The following ATP10B variants were observed in gnomAD, a reference collection of about 807,000 sequenced individuals.
The protein encoded by ATP10B is ATPase phospholipid transporting 10B (putative).
A neutral mutation model predicts 141.2 loss-of-function variants in ATP10B; 122 were observed. The observed-to-expected ratio is 0.86, with a 90% CI of 0.75 to 1.00. ATP10B has a LOEUF of 1.00. ATP10B is among the 50% of genes least tolerant of loss of function. The pLI is 0.00. For missense variants in ATP10B, 1,876 were observed against 1,825.3 expected, an observed-to-expected ratio of 1.03 and a Z score of -0.51; for synonymous variants, 685 against 692.0, an observed-to-expected ratio of 0.99 and a Z score of 0.16.
At chr5:160,849,069 T>C (rs1006942976) in intron 1 of ATP10B, among the ~76,000 whole-genome samples, 10 of 152,168 alleles carry the variant, frequency 6.6e-5, no homozygotes, top group African/African-American at 2.2e-4. Context: ...GCCCTTCTAA[T>C]AGTTCCCGAG....
At chr5:160,668,528 T>C (rs1762466647) in intron 7 of ATP10B, among the ~76,000 whole-genome samples, 1 of 152,208 alleles carries the variant, frequency 6.6e-6, no homozygotes, top group Non-Finnish European at 1.5e-5. Context: ...TCACCCTGCC[T>C]TTTTGCAAAC....
intron 1 of ATP10B, among the ~76,000 whole-genome samples, chr5:160,790,381 AC>A (rs1771481061): frequency 6.6e-6 from 1 of 152,108 alleles, no homozygotes; most frequent in Non-Finnish European, 1.5e-5. Context: ...TTAGAGAGAA[AC>A]CCTCGTCTTA....
the ATP10B span, among the ~76,000 whole-genome samples, chr5:160,924,791 A>G: frequency 6.6e-6 from 1 of 152,262 alleles, no homozygotes; most frequent in Non-Finnish European, 1.5e-5. Flanking sequence ...TTAAGCCAGC[A>G]TAAGGAAATG....
the ATP10B span, among the ~76,000 whole-genome samples, chr5:160,911,470 T>TG: frequency 1.3e-5 from 2 of 152,158 alleles, no homozygotes; most frequent in Non-Finnish European, 2.9e-5. Context: ...GTGGCCAGGG[T>TG]GCTTGAGTAC....
intron 18 of ATP10B, among the ~76,000 whole-genome samples, chr5:160,611,614 C>G (rs1011861682): frequency 1.3e-5 from 2 of 152,166 alleles, no homozygotes; most frequent in African/African-American, 2.4e-5. Context: ...TTTTCATAAT[C>G]TACACTAGTT....
the ATP10B span, among the ~76,000 whole-genome samples, chr5:160,899,730 A>G: frequency 6.6e-6 from 1 of 152,180 alleles, no homozygotes; most frequent in African/African-American, 2.4e-5. Flanking sequence ...AGCTGTTAAA[A>G]ACTAAACAAA....
upstream of ATP10B, among the ~76,000 whole-genome samples, chr5:160,854,512 T>C (rs1207542541): frequency 6.6e-6 from 1 of 152,182 alleles, no homozygotes; most frequent in Non-Finnish European, 1.5e-5. Context: ...TCATCCTTTT[T>C]TATGGCTGCA....
the ATP10B span, among the ~76,000 whole-genome samples, chr5:160,872,940 T>C: frequency 2.3e-4 from 35 of 152,258 alleles, no homozygotes; most frequent in African/African-American, 7.7e-4. Flanking sequence ...GGGGATTGCA[T>C]TGAATTTCTA....
chr5:160,879,892 A>G, the ATP10B span, among the ~76,000 whole-genome samples: 7 of 152,132 alleles, frequency 4.6e-5, no homozygotes, highest in Non-Finnish European at 1.0e-4. Context: ...AAGTGATTGT[A>G]TCAAGGTTTC....
chr5:160,631,028 CA>C (rs34710883), intron 13 of ATP10B, among the ~76,000 whole-genome samples: 2 of 151,962 alleles, frequency 1.3e-5, no homozygotes, highest in Admixed American at 6.6e-5. Flanking sequence ...ACCATGATTA[CA>C]AAAAATGTTA....
chr5:160,638,965 T>C (rs760243465), intron 10 of ATP10B, among the ~76,000 whole-genome samples: 5 of 152,178 alleles, frequency 3.3e-5, no homozygotes, highest in Admixed American at 6.5e-5. Flanking sequence ...CTCATGGTGC[T>C]CCTCACTCAG....
the ATP10B span, among the ~76,000 whole-genome samples, chr5:160,911,223 T>G: frequency 1.3e-5 from 2 of 152,204 alleles, no homozygotes; most frequent in African/African-American, 4.8e-5. Context: ...TTTTCATGGC[T>G]CAGAGGACAA....
At chr5:160,597,002 C>A (rs1158392207) in intron 22 of ATP10B, among the ~76,000 whole-genome samples, 1 of 152,154 alleles carries the variant, frequency 6.6e-6, no homozygotes, top group South Asian at 2.1e-4. Context: ...CCATCCCCAT[C>A]AAGCTACCAA....
chr5:160,883,760 C>T, the ATP10B span, among the ~76,000 whole-genome samples: 16 of 151,020 alleles, frequency 1.1e-4, no homozygotes, highest in African/African-American at 3.2e-4. Context: ...GAAAAGGAAA[C>T]TATAGATTAA....
chr5:160,797,939 A>G (rs1772072124), intron 1 of ATP10B, among the ~76,000 whole-genome samples: 2 of 110,984 alleles, frequency 1.8e-5, no homozygotes, highest in East Asian at 6.4e-4. Flanking sequence ...AGAAAAGAAA[A>G]GAAAAAAAGA....
chr5:160,576,003 CT>C (rs1438058486), intron 24 of ATP10B, among the ~76,000 whole-genome samples: 1 of 152,224 alleles, frequency 6.6e-6, no homozygotes, highest in African/African-American at 2.4e-5. Flanking sequence ...TTGCTCCAGG[CT>C]TCCAAACAAC....
intron 2 of ATP10B, among the ~76,000 whole-genome samples, chr5:160,753,792 A>T (rs1768327851): frequency 6.6e-6 from 1 of 152,194 alleles, no homozygotes; most frequent in African/African-American, 2.4e-5. Context: ...CCCATATACT[A>T]CCCTTAGAAG....
intron 3 of ATP10B, among the ~76,000 whole-genome samples, chr5:160,702,097 C>T (rs1764717460): frequency 6.6e-6 from 1 of 152,230 alleles, no homozygotes; most frequent in Non-Finnish European, 1.5e-5. Context: ...ACAGTCATCA[C>T]TTTACACCTC....
intron 1 of ATP10B, among the ~76,000 whole-genome samples, chr5:160,825,821 C>G (rs1156601511): frequency 2.0e-5 from 3 of 152,190 alleles, no homozygotes; most frequent in Non-Finnish European, 4.4e-5. Context: ...CTTCCCCTGA[C>G]CAGTAGTCAG....
Sources: allele counts gnomAD v4.1 joint callset (sites outside exome capture counted in the v4.1 genomes callset), GRCh38; gene constraint gnomAD v4.1.1; transcripts MANE v1.5; gene names NCBI Gene and HGNC (gene_info 2026-07-23, HGNC 2026-07-21).